The following KAT14 variants were observed in gnomAD, a reference collection of about 807,000 sequenced individuals.
KAT14 encodes lysine acetyltransferase 14, also known as cysteine-rich protein 2-binding protein.
In KAT14, 66 loss-of-function variants were observed where a neutral mutation model predicts 78.4. The observed-to-expected ratio is 0.84, with a 90% confidence interval of 0.69 to 1.03. The LOEUF (loss-of-function observed/expected upper bound fraction) is 1.03, where lower values mean the gene tolerates loss of function less well. Among genes scored for constraint, KAT14 ranks in the 50% least tolerant of loss-of-function variants. KAT14 has a pLI of 0.00. For missense variants in KAT14, 870 were observed against 972.5 expected (o/e 0.89, Z 1.40); for synonymous variants, 344 against 359.4 (o/e 0.96, Z 0.48).
chr20:18,168,397 G>A (rs534426240), intron 7 of KAT14, among the ~76,000 whole-genome samples: 56 of 152,160 alleles, frequency 3.7e-4, no homozygotes, highest in Admixed American at 1.0e-3. Flanking sequence ...GCCTGGTGGC[G>A]CATGCCTATA....
At chr20:18,174,187 TAG>T (rs1333244106) in intron 7 of KAT14, among the ~76,000 whole-genome samples, 4 of 152,388 alleles carry the variant, frequency 2.6e-5, no homozygotes, top group African/African-American at 9.6e-5. Context: ...ATTGTATGGA[TAG>T]ACCACATTTG....
rs778556571 is a variant in KAT14, at chr20:18,142,396, TTGTG to T, written c.-255_-252del. On this transcript the variant is annotated 5_prime_UTR_variant, in exon 2 of 11. Transcript: ENST00000688188. ...TATCTGTTGGACAGACAACACGAGTTTGTGTGTGTGTGTTGATGGAGAGTAGCTT... is the reference window on the plus strand; with the variant it reads ...TATCTGTTGGACAGACAACACGAGTTTGTGTGTGTTGATGGAGAGTAGCTT... The T allele has an allele frequency of 3.4e-6, 5 of 1,481,640 alleles. No homozygotes were observed. The highest frequency in any genetic ancestry group is 2.8e-5 in the African/African-American group (2 of 71,524). 91.8% of individuals were successfully genotyped at this position (1,481,640 alleles called of 1,614,324 possible).
chr20:18,179,848 T>C (rs921576098), intron 7 of KAT14, among the ~76,000 whole-genome samples: 1 of 152,146 alleles, frequency 6.6e-6, no homozygotes, highest in African/African-American at 2.4e-5. Flanking sequence ...GGAATGCTTT[T>C]AATAGCACCC....
At chr20:18,183,699 C>T (rs1005392077) in intron 9 of KAT14, 7 of 256,392 alleles carry the variant, frequency 2.7e-5, no homozygotes, top group Non-Finnish European at 3.7e-5. Context: ...AGTATTAGTA[C>T]AGCCAGAAGG....
chr20:18,161,976 G>C lies in KAT14; in HGVS notation c.836G>C (p.Gly279Ala). 1.2e-6 allele frequency: 2 copies of C among 1,614,230 alleles called. No individual in the cohort carries two copies. Among genetic ancestry groups the C allele is most frequent in the East Asian group, 2.2e-5 (1 of 44,884 alleles). The stretch of plus-strand genomic sequence containing the variant: ...AGAAGAGCCCAGAAGGAGGCCGCTG[G>C]CTTTCTTGACAGGAGCACATCTTCT... ...DIRRAQKEAA[G>A]FLDRSTSSTP... Residue 279 changes from glycine (G) to alanine (A), a missense_variant, in exon 6 of 11, where the codon GGC becomes GCC. By Grantham distance (60) the Gly-to-Ala change is moderately conservative. Transcript: ENST00000688188.
rs1164010661 is a variant in KAT14 at position 18,162,813 on chromosome 20, A to G, written c.1536A>G (p.Gln512=). Residue 512 remains glutamine, a synonymous_variant, in exon 7 of 11, where the codon CAA becomes CAG. Coordinates refer to ENST00000688188, the MANE Select transcript of KAT14 (RefSeq NM_001392073.1). ...DRGLPLFDLD[Q]VVNAALLLVD... is the part of the protein sequence containing the mutation. ...GATTACCACTTTTTGACTTGGATCA[A>G]GTTGTTAATGCTGCTCTTTTGTTAG... The G allele has an allele frequency of 6.2e-7, 1 of 1,614,122 alleles. No individual in the cohort carries two copies. The highest frequency in any genetic ancestry group is 8.5e-7 in the Non-Finnish European group (1 of 1,180,058).
chr20:18,178,146 T>C (rs1600238582), intron 7 of KAT14, among the ~76,000 whole-genome samples: 1 of 151,578 alleles, frequency 6.6e-6, no homozygotes, highest in East Asian at 1.9e-4. Flanking sequence ...TGGGTGCTAT[T>C]GAAAGCATTC....
chr20:18,150,610 C>G (rs1030036965), intron 3 of KAT14, among the ~76,000 whole-genome samples: 2 of 152,124 alleles, frequency 1.3e-5, no homozygotes, highest in Admixed American at 1.3e-4. Flanking sequence ...CTTAGTTCTG[C>G]ACATAATTAA....
At chr20:18,154,153 A>G (rs1243266319) in intron 4 of KAT14, among the ~76,000 whole-genome samples, 1 of 152,236 alleles carries the variant, frequency 6.6e-6, no homozygotes, top group African/African-American at 2.4e-5. Context: ...ACCCCTGGGT[A>G]GTTACCACTT....
chr20:18,185,802 A>T (rs1422923517), intron 10 of KAT14, among the ~76,000 whole-genome samples: 1 of 152,222 alleles, frequency 6.6e-6, no homozygotes, highest in Non-Finnish European at 1.5e-5. Context: ...TCCAATTTTT[A>T]ATGAAACTTG....
chr20:18,162,713 G>A lies in KAT14; in HGVS notation c.1436G>A (p.Gly479Asp), dbSNP rs778444247. The change falls in exon 7 of 11, where the codon GGT becomes GAT. Residue 479 changes from glycine (G) to aspartate (D), a missense_variant. By Grantham distance (94) the Gly-to-Asp change is moderately conservative. Coordinates refer to ENST00000688188, the MANE Select transcript of KAT14 (RefSeq NM_001392073.1). ...LLLKRLEACP[G>D]AVAMTPEARR... is the part of the protein sequence containing the mutation. ...CTCAAGAGGCTGGAAGCTTGTCCCG[G>A]TGCTGTTGCCATGACTCCGGAAGCT... 3 of 1,614,238 alleles carry A rather than the reference G, an allele frequency of 1.9e-6. No homozygotes were observed. The South Asian group carries it at 3.3e-5, about 18-fold the overall frequency.
At chr20:18,175,399 G>C (rs772589707) in intron 7 of KAT14, among the ~76,000 whole-genome samples, 2 of 152,120 alleles carry the variant, frequency 1.3e-5, no homozygotes, top group African/African-American at 4.8e-5. Flanking sequence ...AGAAGTGCTC[G>C]GGGGAGGAGA....
At chr20:18,185,298 C>A (rs2086531609) in intron 10 of KAT14, among the ~76,000 whole-genome samples, 1 of 152,154 alleles carries the variant, frequency 6.6e-6, no homozygotes, top group Non-Finnish European at 1.5e-5. Flanking sequence ...CAGCCTCAAC[C>A]TCCTGGGCTC....
At position 18,162,396 on chromosome 20, in the gene KAT14, CGATGGAGTCATAGACCCAGG is replaced by C; in HGVS notation, c.1128_1147del (p.Ile377ArgfsTer24). On this transcript the variant is annotated frameshift_variant, in exon 7 of 11. Coordinates refer to ENST00000688188, the MANE Select transcript of KAT14 (RefSeq NM_001392073.1). LOFTEE classifies it high-confidence loss of function. Reference sequence around the variant, plus strand: ...GCACAGATGACGATGAGATGGAAGGCGATGGAGTCATAGACCCAGGGATGGAGTACGTCCCACCCCCTGCT... The same window carrying C: ...GCACAGATGACGATGAGATGGAAGGCGATGGAGTACGTCCCACCCCCTGCT... 2 of 1,612,512 alleles carry C rather than the reference CGATGGAGTCATAGACCCAGG, an allele frequency of 1.2e-6. No individual in the cohort carries two copies. Among genetic ancestry groups the C allele is most frequent in the Non-Finnish European group, 1.7e-6 (2 of 1,179,414 alleles).
chr20:18,166,511 AAGTT>A lies in KAT14; in HGVS notation c.1668+3570_1668+3573del, dbSNP rs370245523. Among the ~76,000 whole-genome samples, 446 of 152,356 alleles carry A rather than the reference AAGTT, an allele frequency of 2.9e-3. 2 individuals carry two copies. Among genetic ancestry groups the A allele is most frequent in the African/African-American group, 0.01 (417 of 41,582 alleles). The stretch of plus-strand genomic sequence containing the variant: ...AGCACAAGGCAAGGAGACTTGAAGA[AAGTT>A]AGTCTTTAAAAGAAACTGTTATTTC... On this transcript the variant is annotated intron_variant, in intron 7 of 10. Coordinates refer to ENST00000688188, the MANE Select transcript of KAT14 (RefSeq NM_001392073.1).
intron 5 of KAT14, among the ~76,000 whole-genome samples, chr20:18,160,384 TAA>T (rs1292139646): frequency 6.6e-6 from 1 of 152,174 alleles, no homozygotes; most frequent in Non-Finnish European, 1.5e-5. Flanking sequence ...CTTAGTTTTT[TAA>T]AAAAGTAAAA....
At chr20:18,159,712 C>A (rs574635280) in intron 5 of KAT14, among the ~76,000 whole-genome samples, 10 of 152,272 alleles carry the variant, frequency 6.6e-5, no homozygotes, top group Middle Eastern at 3.4e-3. Flanking sequence ...AAACAAATCC[C>A]AGGAATCAAC....
intron 7 of KAT14, among the ~76,000 whole-genome samples, chr20:18,173,205 G>T (rs546710257): frequency 6.6e-6 from 1 of 152,288 alleles, no homozygotes; most frequent in South Asian, 2.1e-4. Context: ...TGAGAACCTG[G>T]TCCAACTTCT....
At chr20:18,181,616 AC>A in intron 7 of KAT14, 93 bp from the exon 8 acceptor site, 1 of 1,558,544 alleles carries the variant, frequency 6.4e-7, no homozygotes, top group Non-Finnish European at 8.7e-7. Context: ...TGATCCGCCT[AC>A]CTCAGCTTCC....
Sources: allele counts gnomAD v4.1 joint callset (sites outside exome capture counted in the v4.1 genomes callset), GRCh38; gene constraint gnomAD v4.1.1; transcripts MANE v1.5; gene names NCBI Gene and HGNC (gene_info 2026-07-23, HGNC 2026-07-21).